The following TMEM114 variants were observed in gnomAD, a reference collection of about 807,000 sequenced individuals.
TMEM114 encodes the protein transmembrane protein 114.
A neutral mutation model predicts 6.2 loss-of-function variants in TMEM114; 6 were observed. The ratio of observed to expected loss-of-function variants is 0.97; its 90% CI spans 0.53 to 1.91. The LOEUF (loss-of-function observed/expected upper bound fraction) is 1.91, where lower values mean the gene tolerates loss of function less well. Among genes scored for constraint, TMEM114 ranks in the 40% most tolerant of loss-of-function variants. The pLI, the probability that TMEM114 is intolerant of heterozygous loss-of-function variation, is 0.01. For synonymous variants in TMEM114, 104 were observed against 73.0 expected (o/e 1.42, Z -2.16); for missense variants, 218 against 158.3 (o/e 1.38, Z -2.02).
downstream of TMEM114, among the ~76,000 whole-genome samples, chr16:8,534,468 A>G (rs1407410614): frequency 6.6e-6 from 1 of 152,166 alleles, no homozygotes; most frequent in Non-Finnish European, 1.5e-5. Flanking sequence ...AGGGCTAATC[A>G]TGAGCCAAAT....
At chr16:8,588,381 C>A (rs1339501151) in intron 2 of TMEM114, among the ~76,000 whole-genome samples, 4 of 152,118 alleles carry the variant, frequency 2.6e-5, no homozygotes, top group African/African-American at 4.8e-5. Context: ...CTCTGGGCCT[C>A]CTCATTGGAA....
intron 2 of TMEM114, among the ~76,000 whole-genome samples, chr16:8,563,269 G>C (rs1901349045): frequency 1.3e-5 from 2 of 151,378 alleles, no homozygotes; most frequent in Non-Finnish European, 2.9e-5. Context: ...GAATGAGTCA[G>C]TGAATGAGTG....
downstream of TMEM114, among the ~76,000 whole-genome samples, chr16:8,565,157 G>T (rs1319405048): frequency 1.3e-5 from 2 of 152,126 alleles, no homozygotes; most frequent in Admixed American, 1.3e-4. Context: ...ATGGATGGGT[G>T]GATGGATGCA....
chr16:8,565,353 G>A (rs370512004), downstream of TMEM114, among the ~76,000 whole-genome samples: 2 of 152,298 alleles, frequency 1.3e-5, no homozygotes, highest in Middle Eastern at 3.4e-3. Context: ...GGTGGCAAGT[G>A]AATAAATGAA....
At chr16:8,547,891 G>A (rs185990273) in intron 2 of TMEM114, among the ~76,000 whole-genome samples, 19 of 152,280 alleles carry the variant, frequency 1.2e-4, no homozygotes, top group African/African-American at 4.3e-4. Flanking sequence ...GGGCTTGGGA[G>A]GCCCATCATT....
intron 2 of TMEM114, among the ~76,000 whole-genome samples, chr16:8,562,560 A>ATGAG (rs200215462): frequency 0.079 from 5,563 of 70,826 alleles, 176 homozygotes; most frequent in South Asian, 0.2. Context: ...GAGTGCGTCA[A>ATGAG]TGAGTGAGTG....
At chr16:8,542,360 C>T (rs1900540360) in intron 2 of TMEM114, among the ~76,000 whole-genome samples, 1 of 152,128 alleles carries the variant, frequency 6.6e-6, no homozygotes, top group African/African-American at 2.4e-5. Flanking sequence ...CCATCTATTT[C>T]ACATTTTTAA....
At chr16:8,540,758 T>G (rs1486078532) in intron 2 of TMEM114, among the ~76,000 whole-genome samples, 1 of 152,186 alleles carries the variant, frequency 6.6e-6, no homozygotes, top group Admixed American at 6.5e-5. Flanking sequence ...GAGATGGACA[T>G]AAACCAAAGA....
At chr16:8,558,903 G>C (rs1011502706) in intron 2 of TMEM114, among the ~76,000 whole-genome samples, 6 of 130,540 alleles carry the variant, frequency 4.6e-5, no homozygotes, top group Non-Finnish European at 9.5e-5. Flanking sequence ...ACCATGCCCA[G>C]CTAATTTTTT....
intron 2 of TMEM114, among the ~76,000 whole-genome samples, chr16:8,546,926 G>A (rs565595615): frequency 1.3e-3 from 197 of 152,302 alleles, no homozygotes; most frequent in Non-Finnish European, 2.3e-3. Context: ...GTTGGGCTGC[G>A]TTTATTTCTA....
chr16:8,576,244 G>A (rs1420943463), intron 2 of TMEM114, among the ~76,000 whole-genome samples: 2 of 152,198 alleles, frequency 1.3e-5, no homozygotes, highest in Non-Finnish European at 2.9e-5. Flanking sequence ...ATAAGATGGA[G>A]ATATTTGGTC....
chr16:8,545,091 C>G (rs941916063), intron 2 of TMEM114, among the ~76,000 whole-genome samples: 12 of 152,038 alleles, frequency 7.9e-5, no homozygotes, highest in African/African-American at 2.9e-4. Flanking sequence ...TATATTGCAC[C>G]CTTTCTCTTT....
chr16:8,560,073 T>G (rs1175846754), intron 2 of TMEM114, among the ~76,000 whole-genome samples: 1 of 152,162 alleles, frequency 6.6e-6, no homozygotes, highest in Admixed American at 6.5e-5. Context: ...CACAGCTCAC[T>G]GCAGCCTCGA....
intron 2 of TMEM114, among the ~76,000 whole-genome samples, chr16:8,538,493 T>G (rs1172262724): frequency 2.0e-5 from 3 of 148,190 alleles, no homozygotes; most frequent in African/African-American, 5.2e-5. Flanking sequence ...GCTGTGGTTT[T>G]TTTGTTTGTT....
chr16:8,568,134 C>A (rs117228216), downstream of TMEM114, among the ~76,000 whole-genome samples: 659 of 152,280 alleles, frequency 4.3e-3, 3 homozygotes, highest in Non-Finnish European at 7.2e-3. Context: ...GTTATGTTAA[C>A]CTGCCAGTGC....
intron 2 of TMEM114, among the ~76,000 whole-genome samples, chr16:8,545,209 G>A (rs1168743342): frequency 5.3e-5 from 8 of 152,110 alleles, no homozygotes; most frequent in Non-Finnish European, 2.9e-5. Flanking sequence ...AGGCCAAGGT[G>A]GGAAGATTAC....
chr16:8,538,488 G>C (rs532629172), intron 2 of TMEM114, among the ~76,000 whole-genome samples: 22 of 149,614 alleles, frequency 1.5e-4, no homozygotes, highest in Admixed American at 1.3e-3. Flanking sequence ...TGTGTGCTGT[G>C]GTTTTTTTGT....
downstream of TMEM114, among the ~76,000 whole-genome samples, chr16:8,536,676 G>A (rs1900370114): frequency 6.6e-6 from 1 of 151,908 alleles, no homozygotes. Flanking sequence ...GTTTTTGTTT[G>A]TTTGTTTGTT....
chr16:8,538,871 T>G (rs1489256461), intron 2 of TMEM114, among the ~76,000 whole-genome samples: 2 of 152,206 alleles, frequency 1.3e-5, no homozygotes, highest in Non-Finnish European at 2.9e-5. Flanking sequence ...TGTATTTAAT[T>G]TGAATACAGT....
Sources: gnomAD v4.1 joint callset for allele counts (sites outside exome capture counted in the v4.1 genomes callset) on GRCh38, gnomAD v4.1.1 for gene constraint, MANE v1.5 for transcripts, NCBI Gene and HGNC (gene_info 2026-07-23, HGNC 2026-07-21) for gene names.